PCDHA8: variants seen among roughly 807,000 people sequenced by gnomAD.
PCDHA8 encodes protocadherin alpha 8, also known as protocadherin alpha-8.
PCDHA8 carries 53 observed loss-of-function variants against 61.8 expected under a neutral mutation model. That is an observed-to-expected ratio of 0.86 (90% confidence interval 0.69 to 1.08). PCDHA8 has a LOEUF of 1.08. Among genes scored for constraint, PCDHA8 ranks in the 50% least tolerant of loss-of-function variants. The pLI, the probability that PCDHA8 is intolerant of heterozygous loss-of-function variation, is 0.00. For synonymous variants in PCDHA8, 618 were observed against 556.6 expected, an observed-to-expected ratio of 1.11 and a Z score of -1.55; for missense variants, 1,293 against 1,245.0, an observed-to-expected ratio of 1.04 and a Z score of -0.58.
intron 3 of PCDHA8, among the ~76,000 whole-genome samples, chr5:140,987,740 A>G (rs1454887233): frequency 6.6e-6 from 1 of 152,078 alleles, no homozygotes; most frequent in Admixed American, 6.5e-5. Flanking sequence ...CAAAATTTAG[A>G]CCCAGGTTGT....
At chr5:140,906,963 G>C (rs150934602) in intron 1 of PCDHA8, among the ~76,000 whole-genome samples, 2 of 152,216 alleles carry the variant, frequency 1.3e-5, no homozygotes, top group African/African-American at 4.8e-5. Context: ...TAATGGAATC[G>C]TGGTTGTGTC....
intron 1 of PCDHA8, among the ~76,000 whole-genome samples, chr5:140,905,419 C>T (rs2071826794): frequency 6.6e-6 from 1 of 152,158 alleles, no homozygotes; most frequent in South Asian, 2.1e-4. Flanking sequence ...CAGTACCATG[C>T]TGGTTTGATA....
chr5:140,850,140 G>C (rs2150469344), intron 1 of PCDHA8: 2 of 1,595,708 alleles, frequency 1.3e-6, no homozygotes, highest in East Asian at 2.2e-5. Flanking sequence ...GGGCAGCAAC[G>C]TGACGCTGCA....
At chr5:141,006,313 G>A (rs190584023) in intron 3 of PCDHA8, among the ~76,000 whole-genome samples, 18 of 152,072 alleles carry the variant, frequency 1.2e-4, no homozygotes, top group Admixed American at 1.1e-3. Context: ...CCGGGTTCAT[G>A]CCATTCTCCT....
chr5:140,880,747 T>C (rs555658670), intron 1 of PCDHA8, among the ~76,000 whole-genome samples: 16 of 152,334 alleles, frequency 1.1e-4, no homozygotes, highest in African/African-American at 3.8e-4. Context: ...GGATTGTCAG[T>C]GTAACTGCGT....
At chr5:140,897,307 A>G (rs2065987327) in intron 1 of PCDHA8, among the ~76,000 whole-genome samples, 2 of 148,058 alleles carry the variant, frequency 1.4e-5, no homozygotes, top group African/African-American at 2.5e-5. Context: ...AGCATTAGGT[A>G]TATCTCCTAA....
Position 140,899,489 on chromosome 5 carries a change from A to G in PCDHA8, c.2394+55774A>G, listed in dbSNP as rs1445369123. 2.0e-5 allele frequency among the ~76,000 whole-genome samples: 3 copies of G among 152,246 alleles called. 1 individual carries two copies. Among genetic ancestry groups the G allele is most frequent in the Non-Finnish European group, 4.4e-5 (3 of 68,052 alleles). On this transcript the variant is annotated intron_variant, in intron 1 of 3. Coordinates refer to ENST00000531613, the MANE Select transcript of PCDHA8 (RefSeq NM_018911.3). ...TTTGGTTCTGTTTATATGCTGGATT[A>G]CATTTATTGATTTGCATATATTGCA...
At chr5:140,919,643 C>CTA (rs1244015726) in intron 1 of PCDHA8, among the ~76,000 whole-genome samples, 7 of 152,192 alleles carry the variant, frequency 4.6e-5, no homozygotes, top group Non-Finnish European at 8.8e-5. Flanking sequence ...AGTAGTTTCT[C>CTA]TAGAGTTTAC....
intron 1 of PCDHA8, among the ~76,000 whole-genome samples, chr5:140,956,723 A>G (rs536528599): frequency 6.6e-6 from 1 of 152,166 alleles, no homozygotes; most frequent in Non-Finnish European, 1.5e-5. Context: ...AAGAATTGGT[A>G]CCAGCTCCTC....
chr5:140,977,429 C>T (rs143756065), intron 1 of PCDHA8, among the ~76,000 whole-genome samples: 9 of 152,228 alleles, frequency 5.9e-5, no homozygotes, highest in South Asian at 2.1e-4. Context: ...CCTCTAACAC[C>T]GCTAGTAGAT....
chr5:140,883,827 T>G, intron 1 of PCDHA8: 1 of 1,612,546 alleles, frequency 6.2e-7, no homozygotes, highest in South Asian at 1.1e-5. Context: ...GTGTACGCGC[T>G]GCAGCCGTTG....
chr5:140,982,299 T>C, intron 2 of PCDHA8, 176 bp from the exon 3 acceptor site: 1 of 1,200,862 alleles, frequency 8.3e-7, no homozygotes, highest in South Asian at 1.7e-5. Flanking sequence ...AAGTCAGCAA[T>C]GCTTCTGCAG....
Position 140,848,199 on chromosome 5 carries a change from AATC to A in PCDHA8, c.2394+4487_2394+4489del, listed in dbSNP as rs2150407324. The stretch of plus-strand genomic sequence containing the variant: ...GAGAAACGGGATCTTCTGTTTCAAC[AATC>A]ATTACTTAAGAAAAAATTAAGAAAA... On this transcript the variant is annotated intron_variant, in intron 1 of 3. Coordinates refer to ENST00000531613, the MANE Select transcript of PCDHA8 (RefSeq NM_018911.3). The A allele has an allele frequency of 2.2e-5, 7 of 318,910 alleles. No individual in the cohort carries two copies. The South Asian group carries it at 2.2e-4, about 10-fold the overall frequency. The allele number at this position is 318,910 out of a possible 1,614,324, so 19.8% of individuals were successfully genotyped here.
intron 1 of PCDHA8, chr5:140,876,963 G>A: frequency 6.2e-7 from 1 of 1,613,068 alleles, no homozygotes; most frequent in Middle Eastern, 1.8e-4. Flanking sequence ...TGGTGGAGCG[G>A]CGGGTGGGCG....
chr5:140,849,171 G>A (rs1554142799), intron 1 of PCDHA8: 3 of 1,114,430 alleles, frequency 2.7e-6, no homozygotes, highest in South Asian at 1.5e-5. Context: ...GACTGGCACC[G>A]TTCAATTACT....
intron 1 of PCDHA8, among the ~76,000 whole-genome samples, chr5:140,939,305 C>A (rs1251046319): frequency 6.6e-6 from 1 of 152,114 alleles, no homozygotes; most frequent in Non-Finnish European, 1.5e-5. Context: ...TCTACAAAAG[C>A]CCTACCTCCT....
intron 3 of PCDHA8, among the ~76,000 whole-genome samples, chr5:140,991,357 T>G (rs1409351374): frequency 2.6e-5 from 4 of 152,258 alleles, no homozygotes; most frequent in African/African-American, 9.6e-5. Flanking sequence ...AAAGACTATT[T>G]ACTGTCTGAG....
chr5:140,843,369 C>T lies in PCDHA8; in HGVS notation c.2048C>T (p.Ser683Leu), dbSNP rs2150358449. 7 of 1,595,922 alleles carry T rather than the reference C, an allele frequency of 4.4e-6. No individual in the cohort carries two copies. Among genetic ancestry groups the T allele is most frequent in the African/African-American group, 1.3e-5 (1 of 74,440 alleles). ...GCTCCAAAAGCGTCATCGAGGCAGT[C>T]GGCTGGCGTTTTGGGTCCGGAAGCG... ...GQAPKASSRQ[S>L]AGVLGPEAAL... The change falls in exon 1 of 4, where the codon TCG becomes TTG. Residue 683 changes from serine to leucine, a missense_variant. By Grantham distance (145) the Ser-to-Leu change is moderately radical. Transcript: ENST00000531613.
chr5:140,848,559 G>C, intron 1 of PCDHA8: 1 of 1,595,568 alleles, frequency 6.3e-7, no homozygotes, highest in Non-Finnish European at 8.6e-7. Context: ...TCTGATCCTC[G>C]CAATGTGGGT....
Sources: gnomAD v4.1 joint callset for allele counts (sites outside exome capture counted in the v4.1 genomes callset) on GRCh38, gnomAD v4.1.1 for gene constraint, MANE v1.5 for transcripts, NCBI Gene and HGNC (gene_info 2026-07-23, HGNC 2026-07-21) for gene names.